The following SPHKAP variants were observed in gnomAD, a reference collection of about 807,000 sequenced individuals.
SPHKAP encodes the protein SPHK1 interactor, AKAP domain containing.
SPHKAP carries 67 observed loss-of-function variants against 137.5 expected under a neutral mutation model. The observed-to-expected ratio is 0.49, with a 90% CI of 0.40 to 0.60. SPHKAP has a LOEUF of 0.60. Among genes scored for constraint, SPHKAP ranks in the 20% least tolerant of loss-of-function variants. The pLI is 0.00. For synonymous variants in SPHKAP, 813 were observed against 785.3 expected (o/e 1.04, Z -0.59); for missense variants, 2,097 against 2,069.3 (o/e 1.01, Z -0.26).
Position 228,019,094 on chromosome 2 carries a change from C to T in SPHKAP, c.1760G>A (p.Gly587Asp), listed in dbSNP as rs1266778567. 6.2e-7 allele frequency: 1 copy of T among 1,613,874 alleles called. No individual in the cohort carries two copies. The highest frequency in any genetic ancestry group is 1.3e-5 in the African/African-American group (1 of 75,052). Residue 587 changes from glycine (G) to aspartate (D), a missense_variant, in exon 7 of 12, where the codon GGT becomes GAT. By Grantham distance (94) the Gly-to-Asp change is moderately conservative (BLOSUM62 -1). Coordinates refer to ENST00000392056, the MANE Select transcript of SPHKAP (RefSeq NM_001142644.2). The part of the protein sequence containing the change: ...EEVTCSVAPS[G>D]SLPPAAEASE... ...AGCCTCAGCTGCAGGCGGGAGGCTACCACTTGGAGCCACTGAGCATGTCAC... is the reference window on the plus strand; with the variant it reads ...AGCCTCAGCTGCAGGCGGGAGGCTATCACTTGGAGCCACTGAGCATGTCAC...
At chr2:228,031,227 C>G (rs546939465) in intron 3 of SPHKAP, among the ~76,000 whole-genome samples, 1 of 152,236 alleles carries the variant, frequency 6.6e-6, no homozygotes, top group Non-Finnish European at 1.5e-5. Context: ...ATATCCCGCA[C>G]CTGGCTCAGA....
At chr2:228,157,429 T>G (rs1348003535) in intron 1 of SPHKAP, among the ~76,000 whole-genome samples, 2 of 152,208 alleles carry the variant, frequency 1.3e-5, no homozygotes, top group African/African-American at 4.8e-5. Context: ...AAATAAAAAT[T>G]CAAATGATCT....
chr2:228,069,269 AAAC>A lies in SPHKAP; in HGVS notation c.246+39560_246+39562del, dbSNP rs1394823106. On this transcript the variant is annotated intron_variant, in intron 3 of 11. Coordinates refer to ENST00000392056, the MANE Select transcript of SPHKAP (RefSeq NM_001142644.2). ...GCGACAAGAGCAAAACTCTGTCTCA[AAAC>A]AACAACAACAACTGGGCAAAGACAT... Among the ~76,000 whole-genome samples, 26 of 152,130 alleles carry A rather than the reference AAAC, an allele frequency of 1.7e-4. 1 individual carries two copies. Among genetic ancestry groups the A allele is most frequent in the Admixed American group, 1.6e-3 (25 of 15,284 alleles).
rs1694606703 is a variant in SPHKAP at position 228,016,663 on chromosome 2, G to T, written c.4191C>A (p.Ser1397Arg). ...LSKTASLTNH[S>R]PLDSKKETSS... ...AAGTTTCTTTTTTAGAATCTAAAGG[G>T]CTGTGGTTTGTAAGAGAAGCAGTTT... is the stretch of plus-strand genomic sequence containing the variant. Residue 1397 changes from serine (S) to arginine (R), a missense_variant, in exon 7 of 12, where the codon AGC becomes AGA. Coordinates refer to ENST00000392056, the MANE Select transcript of SPHKAP (RefSeq NM_001142644.2). 1.2e-6 allele frequency: 2 copies of T among 1,613,970 alleles called. No individual in the cohort carries two copies. The highest frequency in any genetic ancestry group is 1.3e-5 in the African/African-American group (1 of 74,902).
chr2:228,112,049 C>T (rs1208805330), intron 2 of SPHKAP, among the ~76,000 whole-genome samples: 1 of 152,068 alleles, frequency 6.6e-6, no homozygotes, highest in African/African-American at 2.4e-5. Context: ...CAAGTATTAT[C>T]AGTATTTTAA....
chr2:228,076,609 G>A (rs1399116342), intron 3 of SPHKAP, among the ~76,000 whole-genome samples: 5 of 152,152 alleles, frequency 3.3e-5, no homozygotes, highest in East Asian at 1.9e-4. Context: ...TTGAACTTGA[G>A]GGAGATGATT....
intron 3 of SPHKAP, among the ~76,000 whole-genome samples, chr2:228,045,552 A>T: frequency 6.6e-6 from 1 of 151,964 alleles, no homozygotes; most frequent in East Asian, 1.9e-4. Flanking sequence ...GAACAATGAG[A>T]ACACATGGAC....
At chr2:228,084,085 G>T (rs936856879) in intron 3 of SPHKAP, among the ~76,000 whole-genome samples, 5 of 147,414 alleles carry the variant, frequency 3.4e-5, no homozygotes, top group Non-Finnish European at 7.5e-5. Context: ...GTACCACCCA[G>T]AACTTAAAGT....
intron 3 of SPHKAP, chr2:228,028,113 A>T: frequency 1.1e-6 from 1 of 924,160 alleles, no homozygotes. Context: ...GTCTGCTTGT[A>T]TTAGAGCCAA....
At chr2:228,173,183 A>G (rs1015627567) in intron 1 of SPHKAP, among the ~76,000 whole-genome samples, 2 of 152,228 alleles carry the variant, frequency 1.3e-5, no homozygotes, top group Non-Finnish European at 2.9e-5. Context: ...TATTTAATAA[A>G]GAAAGAAAGA....
At chr2:228,125,643 AT>A (rs1299260832) in intron 2 of SPHKAP, among the ~76,000 whole-genome samples, 1 of 152,166 alleles carries the variant, frequency 6.6e-6, no homozygotes, top group Non-Finnish European at 1.5e-5. Context: ...CAGTTTTTTT[AT>A]TTATTATAAA....
At chr2:228,100,261 G>T (rs1294329948) in intron 3 of SPHKAP, among the ~76,000 whole-genome samples, 1 of 152,186 alleles carries the variant, frequency 6.6e-6, no homozygotes, top group East Asian at 1.9e-4. Flanking sequence ...TCTAGGTATA[G>T]AATCATATCA....
intron 3 of SPHKAP, among the ~76,000 whole-genome samples, chr2:228,033,578 T>C (rs1439978344): frequency 6.6e-6 from 1 of 152,176 alleles, no homozygotes; most frequent in African/African-American, 2.4e-5. Context: ...GAATATACAT[T>C]GTTTTCAGCA....
chr2:228,140,818 C>T (rs530808448), intron 1 of SPHKAP, among the ~76,000 whole-genome samples: 2 of 152,076 alleles, frequency 1.3e-5, no homozygotes, highest in East Asian at 3.9e-4. Flanking sequence ...CTCTCGCTCT[C>T]TTCTGCTTTT....
chr2:227,991,108 T>C lies in SPHKAP; in HGVS notation c.4851A>G (p.Pro1617=). Residue 1617 remains proline (P), a synonymous_variant, in exon 11 of 12, where the codon CCA becomes CCG. Transcript: ENST00000392056. ...CTCGGAGCTCGGCATCTGGACACTC[T>C]GGCTCCAGGTCAAAGTTGATCACCA... is the stretch of plus-strand genomic sequence containing the variant. ...SLLVINFDLE[P]ECPDAELRAT... The C allele has an allele frequency of 1.2e-6, 2 of 1,614,154 alleles. No homozygotes were observed. Among genetic ancestry groups the C allele is most frequent in the Non-Finnish European group, 1.7e-6 (2 of 1,180,018 alleles).
chr2:227,987,244 C>T (rs888332832), intron 11 of SPHKAP, among the ~76,000 whole-genome samples: 2 of 152,232 alleles, frequency 1.3e-5, no homozygotes, highest in African/African-American at 4.8e-5. Flanking sequence ...TCCCACATGA[C>T]TGTTTCATGC....
At chr2:227,982,296 T>C (rs2106147019) in intron 11 of SPHKAP, 1 of 985,316 alleles carries the variant, frequency 1.0e-6, no homozygotes, top group South Asian at 4.7e-5. Context: ...AATCAAGTGG[T>C]AAACTTTGAT....
At chr2:228,178,712 A>G (rs954709078) in intron 1 of SPHKAP, among the ~76,000 whole-genome samples, 2 of 152,120 alleles carry the variant, frequency 1.3e-5, no homozygotes, top group East Asian at 1.9e-4. Flanking sequence ...TTCCAGGTCT[A>G]TAACGCAACT....
In SPHKAP at chr2:228,051,935, C is replaced by T. The variant is rs553192859; in HGVS notation, c.247-24392G>A. 9.2e-5 allele frequency among the ~76,000 whole-genome samples: 14 copies of T among 151,560 alleles called. No homozygotes were observed. The South Asian group carries it at 2.3e-3, about 25-fold the overall frequency. ...AGTTCAGCCTTCATGACCTAATCAACCCCCAAACGCCCCACCTTCTATCTC... is the reference window on the plus strand; with the variant it reads ...AGTTCAGCCTTCATGACCTAATCAATCCCCAAACGCCCCACCTTCTATCTC... On this transcript the variant is annotated intron_variant, in intron 3 of 11. Transcript: ENST00000392056.
Sources: allele counts gnomAD v4.1 joint callset (sites outside exome capture counted in the v4.1 genomes callset), GRCh38; gene constraint gnomAD v4.1.1; transcripts MANE v1.5; gene names NCBI Gene and HGNC (gene_info 2026-07-23, HGNC 2026-07-21).